The following ZNF507 variants were observed in gnomAD, a reference collection of about 807,000 sequenced individuals.
The protein encoded by ZNF507 is zinc finger protein 507.
In ZNF507, 29 loss-of-function variants were observed where a neutral mutation model predicts 80.0. The observed-to-expected ratio is 0.36, with a 90% confidence interval of 0.27 to 0.49. The LOEUF is 0.49. Ranked by LOEUF, ZNF507 falls within the 20% of genes least tolerant of loss-of-function variation. The pLI is 0.98. For missense variants in ZNF507, 1,081 were observed against 1,152.2 expected (o/e 0.94, Z 0.90); for synonymous variants, 462 against 422.5 (o/e 1.09, Z -1.15).
rs767864955 is a variant in ZNF507, at chr19:32,383,003, G to A, written c.2782G>A (p.Asp928Asn). 3.4e-5 allele frequency: 55 copies of A among 1,613,994 alleles called. No individual in the cohort carries two copies. The Middle Eastern group carries it at 2.3e-3, about 68-fold the overall frequency. Residue 928 changes from aspartate (D) to asparagine (N), a missense_variant, in exon 7 of 7, where the codon GAT becomes AAT. Asp to Asn is a conservative substitution (Grantham distance 23). Coordinates refer to ENST00000355898, the MANE Select transcript of ZNF507 (RefSeq NM_001136156.2). ...ATCAACCAGCAAAGAAAACCTCTTG[G>A]ATCATATGAAAGAGCACGAGGGTGA... ...FESTSKENLL[D>N]HMKEHEGEIV...
intron 5 of ZNF507, among the ~76,000 whole-genome samples, chr19:32,374,188 A>ACACACACACACACACT (rs57164942): frequency 7.0e-4 from 102 of 145,834 alleles, no homozygotes; most frequent in African/African-American, 2.0e-3. Context: ...ACACACACAC[A>ACACACACACACACACT]CTCTCTCTCT....
At chr19:32,362,883 CTTA>C (rs1395100091) in intron 5 of ZNF507, among the ~76,000 whole-genome samples, 2 of 152,234 alleles carry the variant, frequency 1.3e-5, no homozygotes, top group East Asian at 1.9e-4. Flanking sequence ...CCTCTTTGTA[CTTA>C]TTATCAGTTT....
chr19:32,349,052 T>C (rs1967130168), intron 2 of ZNF507, among the ~76,000 whole-genome samples: 1 of 152,218 alleles, frequency 6.6e-6, no homozygotes, highest in African/African-American at 2.4e-5. Flanking sequence ...TATCTGGAGC[T>C]AGCAGCATTA....
intron 5 of ZNF507, among the ~76,000 whole-genome samples, chr19:32,377,368 CA>C (rs1298926035): frequency 1.3e-5 from 2 of 152,172 alleles, no homozygotes; most frequent in Non-Finnish European, 2.9e-5. Flanking sequence ...GGTCACTTCT[CA>C]CTGTGTCCCT....
intron 1 of ZNF507, among the ~76,000 whole-genome samples, chr19:32,346,165 C>T (rs995989179): frequency 1.3e-5 from 2 of 152,216 alleles, no homozygotes; most frequent in Admixed American, 6.5e-5. Flanking sequence ...TCTAAGCTCC[C>T]TCATTCCCGA....
intron 2 of ZNF507, among the ~76,000 whole-genome samples, 198 bp downstream of exon 2, chr19:32,347,536 G>A (rs1271319287): frequency 6.6e-6 from 1 of 151,810 alleles, no homozygotes; most frequent in Non-Finnish European, 1.5e-5. Flanking sequence ...GAAAATTGGT[G>A]TATTAGAGAA....
At chr19:32,347,738 G>A (rs1967114784) in intron 2 of ZNF507, among the ~76,000 whole-genome samples, 1 of 152,002 alleles carries the variant, frequency 6.6e-6, no homozygotes, top group African/African-American at 2.4e-5. Flanking sequence ...AGTCATTTTT[G>A]TAGTCCCCAG....
At chr19:32,367,464 CTG>C (rs1270354533) in intron 5 of ZNF507, among the ~76,000 whole-genome samples, 1 of 152,224 alleles carries the variant, frequency 6.6e-6, no homozygotes, top group Non-Finnish European at 1.5e-5. Flanking sequence ...TGTCATCTAA[CTG>C]TGGCTTGCCT....
rs756072741 is a variant in ZNF507, at chr19:32,353,806, A to G, written c.976A>G (p.Ile326Val). 1.1e-5 allele frequency: 17 copies of G among 1,614,228 alleles called. No individual in the cohort carries two copies. The highest frequency in any genetic ancestry group is 1.6e-4 in the Middle Eastern group (1 of 6,062). ...IHNGPSVQVQICSSEQLSSSS... is the reference protein window; with the variant it reads ...IHNGPSVQVQVCSSEQLSSSS... ...CAATGGGCCATCAGTGCAAGTGCAG[A>G]TTTGCAGCTCAGAACAGTTATCATC... is the stretch of plus-strand genomic sequence containing the variant. The change falls in exon 3 of 7, where the codon ATT becomes GTT. Residue 326 changes from isoleucine (I) to valine (V), a missense_variant. This residue lies in a region of ZNF507 where 614 missense variants were observed against 583.9 expected (regional missense o/e 1.05). Coordinates refer to ENST00000355898, the MANE Select transcript of ZNF507 (RefSeq NM_001136156.2).
At chr19:32,350,075 A>AC (rs1329375317) in intron 2 of ZNF507, among the ~76,000 whole-genome samples, 1 of 152,130 alleles carries the variant, frequency 6.6e-6, no homozygotes, top group Non-Finnish European at 1.5e-5. Context: ...TTCACTTGAC[A>AC]CACAATCTCA....
At position 32,360,507 on chromosome 19, in the gene ZNF507, A is replaced by AT; in HGVS notation, c.2250dup (p.Lys751Ter). 1 of 1,550,604 alleles carries AT rather than the reference A, an allele frequency of 6.4e-7. No individual in the cohort carries two copies. Among genetic ancestry groups the AT allele is most frequent in the Non-Finnish European group, 8.7e-7 (1 of 1,147,940 alleles). ...AACTCTGAAATACCTTGTCTAGGGA[A>AT]TAAGTCTTCAGTCCAGAAACAATAT... On this transcript the variant is annotated frameshift_variant, in exon 5 of 7. Coordinates refer to ENST00000355898, the MANE Select transcript of ZNF507 (RefSeq NM_001136156.2). LOFTEE classifies it high-confidence loss of function.
Position 32,386,410 on chromosome 19 carries a change from G to A in ZNF507, c.*3327G>A, listed in dbSNP as rs776810258. The stretch of plus-strand genomic sequence containing the variant: ...ATCTTTTTAAATTGTACAGCAAGGT[G>A]CTCTAAGTAATATTCGATAAAATAT... On this transcript the variant is annotated 3_prime_UTR_variant, in exon 7 of 7. Coordinates refer to ENST00000355898, the MANE Select transcript of ZNF507 (RefSeq NM_001136156.2). 1 of 152,532 alleles carries A rather than the reference G, an allele frequency of 6.6e-6. No homozygotes were observed. Among genetic ancestry groups the A allele is most frequent in the Non-Finnish European group, 1.5e-5 (1 of 68,034 alleles). The allele number at this position is 152,532 out of a possible 1,614,324, so 9.4% of individuals were successfully genotyped here. A position where few individuals can be genotyped will look rare whatever the true frequency, so the allele number is the denominator to read the frequency against.
chr19:32,353,420 C>A lies in ZNF507; in HGVS notation c.590C>A (p.Ser197Tyr). The change falls in exon 3 of 7, where the codon TCC becomes TAC. Residue 197 changes from serine to tyrosine, a missense_variant. Coordinates refer to ENST00000355898, the MANE Select transcript of ZNF507 (RefSeq NM_001136156.2). Reference protein sequence around the residue: ...QSKAQQCVSPSSSLCRKTTER... With the variant: ...QSKAQQCVSPYSSLCRKTTER... ...AAAGCCCAACAGTGCGTAAGCCCCT[C>A]CAGCTCTTTGTGTCGGAAAACCACA... The A allele has an allele frequency of 6.2e-7, 1 of 1,614,198 alleles. No homozygotes were observed. The highest frequency in any genetic ancestry group is 8.5e-7 in the Non-Finnish European group (1 of 1,180,032).
At chr19:32,356,874 C>A (rs1239798190) in intron 4 of ZNF507, 141 bp downstream of exon 4, 3 of 668,056 alleles carry the variant, frequency 4.5e-6, no homozygotes, top group Non-Finnish European at 8.0e-6. Flanking sequence ...TGAATCTGAT[C>A]TCTGTTTCTG....
At chr19:32,367,788 G>A (rs750365544) in intron 5 of ZNF507, among the ~76,000 whole-genome samples, 6 of 152,186 alleles carry the variant, frequency 3.9e-5, no homozygotes, top group Non-Finnish European at 5.9e-5. Flanking sequence ...GGGAATGACA[G>A]TTTGGAATGG....
At chr19:32,376,156 A>G (rs996537439) in intron 5 of ZNF507, among the ~76,000 whole-genome samples, 1 of 152,218 alleles carries the variant, frequency 6.6e-6, no homozygotes. Flanking sequence ...GTAGCCTTCC[A>G]TAATTCCAAT....
Position 32,386,184 on chromosome 19 carries a change from C to T in ZNF507, c.*3101C>T, listed in dbSNP as rs11880046. The T allele has an allele frequency of 7.2e-5, 11 of 152,572 alleles. No homozygotes were observed. The highest frequency in any genetic ancestry group is 1.2e-4 in the Non-Finnish European group (8 of 68,030). The allele number at this position is 152,572 out of a possible 1,614,324, so 9.5% of individuals were successfully genotyped here. On this transcript the variant is annotated 3_prime_UTR_variant, in exon 7 of 7. Transcript: ENST00000355898. ...GATAGTGCAATGTTGTGACACCGAC[C>T]GAAGCCTTTGTTCTGGATCTTTCTT...
Position 32,382,761 on chromosome 19 carries a change from A to AAGAGAG in ZNF507, c.2541_2546dup (p.Glu848_Ser849insArgGlu). ...GGAAAGACTCAATTAAAGAGCAGTGAAGAGAGTGCAGATCCCGTCACTGGA... is the reference window on the plus strand; with the variant it reads ...GGAAAGACTCAATTAAAGAGCAGTGAAGAGAGAGAGAGTGCAGATCCCGTCACTGGA... On this transcript the variant is annotated inframe_insertion, in exon 7 of 7. Coordinates refer to ENST00000355898, the MANE Select transcript of ZNF507 (RefSeq NM_001136156.2). 1 of 1,614,070 alleles carries AAGAGAG rather than the reference A, an allele frequency of 6.2e-7. No homozygotes were observed. The highest frequency in any genetic ancestry group is 8.5e-7 in the Non-Finnish European group (1 of 1,179,986).
intron 5 of ZNF507, among the ~76,000 whole-genome samples, chr19:32,361,661 CTTTT>C (rs1227757920): frequency 1.5e-5 from 2 of 131,740 alleles, no homozygotes. Context: ...TTCCTTCCTT[CTTTT>C]CTTCCTTCCT....
Sources: allele counts gnomAD v4.1 joint callset (sites outside exome capture counted in the v4.1 genomes callset), GRCh38; gene constraint gnomAD v4.1.1; regional missense constraint gnomAD v4.1.1; transcripts MANE v1.5; gene names NCBI Gene and HGNC (gene_info 2026-07-23, HGNC 2026-07-21).